Variants in GRID2 observed in about 807,000 individuals in gnomAD.
GRID2 encodes glutamate receptor ionotropic, delta-2.
Under a neutral mutation model 114.8 loss-of-function variants are expected in GRID2, and 33 were observed. The ratio of observed to expected loss-of-function variants is 0.29; its 90% CI spans 0.22 to 0.38. The LOEUF is 0.38. Among genes scored for constraint, GRID2 ranks in the 10% least tolerant of loss-of-function variants. GRID2 has a pLI of 1.00. For synonymous variants in GRID2, 505 were observed against 449.9 expected (o/e 1.12, Z -1.55); for missense variants, 1,184 against 1,257.7 (o/e 0.94, Z 0.89).
intron 4 of GRID2, among the ~76,000 whole-genome samples, chr4:93,116,575 C>T (rs1269599901): frequency 1.3e-5 from 2 of 152,018 alleles, no homozygotes; most frequent in Non-Finnish European, 2.9e-5. Context: ...TCCCCATTTC[C>T]TGACTGCACC....
chr4:93,785,789 G>A (rs1366892959), intron 1 of GRID2, among the ~76,000 whole-genome samples: 2 of 152,116 alleles, frequency 1.3e-5, no homozygotes, highest in Non-Finnish European at 1.5e-5. Flanking sequence ...AAACTCGTGT[G>A]GCAATCCACC....
chr4:92,452,943 G>GGTGT (rs10591876), intron 1 of GRID2, among the ~76,000 whole-genome samples: 6 of 146,768 alleles, frequency 4.1e-5, no homozygotes, highest in Admixed American at 2.7e-4. Context: ...TAGACTGACA[G>GGTGT]GTGTGTGTGT....
At chr4:93,091,194 T>C (rs906884490) in intron 3 of GRID2, among the ~76,000 whole-genome samples, 5 of 152,084 alleles carry the variant, frequency 3.3e-5, no homozygotes, top group Non-Finnish European at 7.4e-5. Context: ...TACCAATCCT[T>C]GTTTTATGCC....
chr4:92,971,863 A>C (rs1753540945), intron 2 of GRID2, among the ~76,000 whole-genome samples: 1 of 152,044 alleles, frequency 6.6e-6, no homozygotes, highest in Admixed American at 6.6e-5. Flanking sequence ...GCTACAAATA[A>C]TGGGATTTCA....
intron 1 of GRID2, among the ~76,000 whole-genome samples, chr4:92,500,071 T>C (rs1310007534): frequency 6.6e-6 from 1 of 152,226 alleles, no homozygotes; most frequent in East Asian, 1.9e-4. Flanking sequence ...ATTCGTTCTC[T>C]GTCATTTTTT....
intron 1 of GRID2, among the ~76,000 whole-genome samples, chr4:92,420,293 C>A (rs1731836405): frequency 6.6e-6 from 1 of 152,098 alleles, no homozygotes; most frequent in Admixed American, 6.6e-5. Flanking sequence ...TTACCATAAA[C>A]TTTTAAATAG....
intron 8 of GRID2, among the ~76,000 whole-genome samples, chr4:93,354,022 T>TGCGC (rs34467143): frequency 0.19 from 28,584 of 150,208 alleles, 3,886 homozygotes; most frequent in African/African-American, 0.39. Flanking sequence ...AGCACACACA[T>TGCGC]GCACACACAC....
intron 11 of GRID2, 28 bp downstream of exon 11, chr4:93,456,002 T>A: frequency 1.5e-6 from 2 of 1,311,642 alleles, no homozygotes; most frequent in Non-Finnish European, 1.1e-6. Flanking sequence ...ATTCTAGTAT[T>A]TAAAAAAAAT....
chr4:92,327,394 A>C (rs1044609669), intron 1 of GRID2, among the ~76,000 whole-genome samples: 1 of 151,566 alleles, frequency 6.6e-6, no homozygotes. Context: ...GTGCCTTCTC[A>C]ATCTCTAGTC....
At chr4:93,269,860 C>A (rs1310506279) in intron 8 of GRID2, among the ~76,000 whole-genome samples, 1 of 152,064 alleles carries the variant, frequency 6.6e-6, no homozygotes, top group Non-Finnish European at 1.5e-5. Flanking sequence ...GGTGCACTAC[C>A]AAATAAGGAG....
intron 8 of GRID2, among the ~76,000 whole-genome samples, chr4:93,326,009 G>C (rs1757796041): frequency 6.6e-6 from 1 of 152,084 alleles, no homozygotes; most frequent in African/African-American, 2.4e-5. Flanking sequence ...AACTTCTTTG[G>C]CTTGTGTTTT....
intron 9 of GRID2, among the ~76,000 whole-genome samples, chr4:93,407,194 A>C (rs1248153158): frequency 6.6e-6 from 1 of 152,138 alleles, no homozygotes; most frequent in Non-Finnish European, 1.5e-5. Context: ...ATCACTATCC[A>C]CTGCATTACA....
intron 1 of GRID2, among the ~76,000 whole-genome samples, chr4:93,784,317 A>G (rs1734548425): frequency 6.6e-6 from 1 of 151,516 alleles, no homozygotes; most frequent in South Asian, 2.1e-4. Context: ...TCCATGATTT[A>G]TTTTTTTTCT....
intron 14 of GRID2, among the ~76,000 whole-genome samples, chr4:93,764,123 C>A (rs2110319698): frequency 6.6e-6 from 1 of 152,224 alleles, no homozygotes; most frequent in East Asian, 1.9e-4. Context: ...GAGTCTCAAA[C>A]ACAAATGAGG....
At chr4:92,850,711 C>T (rs908073330) in intron 2 of GRID2, among the ~76,000 whole-genome samples, 1 of 151,896 alleles carries the variant, frequency 6.6e-6, no homozygotes, top group Non-Finnish European at 1.5e-5. Context: ...TACAATATAG[C>T]AAGCTGCTGC....
intron 2 of GRID2, among the ~76,000 whole-genome samples, chr4:92,925,346 A>T (rs1476361517): frequency 6.6e-6 from 1 of 152,080 alleles, no homozygotes; most frequent in Non-Finnish European, 1.5e-5. Context: ...CATGTCAAGA[A>T]ACATTATAAG....
intron 3 of GRID2, among the ~76,000 whole-genome samples, chr4:93,108,060 T>G (rs1476137250): frequency 6.6e-6 from 1 of 152,200 alleles, no homozygotes; most frequent in Admixed American, 6.6e-5. Context: ...ACAGGCTCTT[T>G]AATGTCCTGG....
chr4:93,012,352 A>C (rs1274306866), intron 2 of GRID2, among the ~76,000 whole-genome samples: 2 of 152,002 alleles, frequency 1.3e-5, no homozygotes, highest in Non-Finnish European at 2.9e-5. Context: ...ACAGACATCC[A>C]TTTATTCCTT....
At chr4:92,637,055 A>C (rs892354098) in intron 2 of GRID2, among the ~76,000 whole-genome samples, 6 of 151,808 alleles carry the variant, frequency 4.0e-5, no homozygotes, top group African/African-American at 1.5e-4. Flanking sequence ...ATTTCAGGTA[A>C]ATTTAAATAT....
Sources: gnomAD v4.1 joint callset for allele counts (sites outside exome capture counted in the v4.1 genomes callset) on GRCh38, gnomAD v4.1.1 for gene constraint, MANE v1.5 for transcripts, NCBI Gene and HGNC (gene_info 2026-07-23, HGNC 2026-07-21) for gene names.